Variants in USP12 observed in about 807,000 individuals in gnomAD.
USP12 encodes the protein ubiquitin carboxyl-terminal hydrolase 12.
Under a neutral mutation model 45.5 loss-of-function variants are expected in USP12, and 19 were observed. The observed-to-expected ratio is 0.42, with a 90% CI of 0.29 to 0.61. USP12 has a LOEUF of 0.61. USP12 is among the 20% of genes least tolerant of loss of function. The pLI is 0.22. For missense variants in USP12, 242 were observed against 447.7 expected (o/e 0.54, Z 4.15); for synonymous variants, 149 against 148.8 (o/e 1.00, Z -0.01).
rs74493249 is a variant in USP12, at chr13:27,098,889, A to C, written c.344-3059T>G. Among the ~76,000 whole-genome samples, 1,503 of 152,308 alleles carry C rather than the reference A, an allele frequency of 9.9e-3. 13 individuals are homozygous for C. The highest frequency in any genetic ancestry group is 0.027 in the Middle Eastern group (8 of 294). Reference sequence around the variant, plus strand: ...TTGAATTAACATGGCAAAACTTCCAAAACAGAAAGTGAAACAAGGATGCTG... The same window carrying C: ...TTGAATTAACATGGCAAAACTTCCACAACAGAAAGTGAAACAAGGATGCTG... On this transcript the variant is annotated intron_variant, in intron 3 of 8. Transcript: ENST00000282344.
At chr13:27,106,129 T>G (rs1224698848) in intron 2 of USP12, among the ~76,000 whole-genome samples, 185 bp from the exon 3 acceptor site, 1 of 152,080 alleles carries the variant, frequency 6.6e-6, no homozygotes, top group African/African-American at 2.4e-5. Context: ...ATCACAAAAG[T>G]AAAGTTTTCT....
At chr13:27,169,009 C>T (rs1878468822) in intron 1 of USP12, 1 of 152,218 alleles carries the variant, frequency 6.6e-6, no homozygotes, top group Non-Finnish European at 1.5e-5. Context: ...CACACAGCCA[C>T]ATCATCCCTG....
intron 1 of USP12, among the ~76,000 whole-genome samples, chr13:27,149,974 G>A (rs1473584272): frequency 6.6e-6 from 1 of 152,228 alleles, no homozygotes; most frequent in Non-Finnish European, 1.5e-5. Flanking sequence ...CTGCTGTACA[G>A]CCCGGTTCCT....
rs1876394988 is a variant in USP12 at position 27,129,511 on chromosome 13, G to A, written c.49-12915C>T. Among the ~76,000 whole-genome samples the A allele has an allele frequency of 6.6e-6, 1 of 152,138 alleles. No individual in the cohort carries two copies. Among genetic ancestry groups the A allele is most frequent in the African/African-American group, 2.4e-5 (1 of 41,414 alleles). The stretch of plus-strand genomic sequence containing the variant: ...AGTCAGAGCAGGAGGACTGCTTAAG[G>A]CCCGGAGTTCTAGAGAAGGCTGGGC... On this transcript the variant is annotated intron_variant, in intron 1 of 8. Coordinates refer to ENST00000282344, the MANE Select transcript of USP12 (RefSeq NM_182488.4). This position sits in a 1 kb window ranked among gnomAD's most constrained non-coding sequence, Gnocchi z 4.0.
chr13:27,165,001 G>T lies in USP12; in HGVS notation c.48+6591C>A, dbSNP rs117708260. Among the ~76,000 whole-genome samples the T allele has an allele frequency of 3.5e-3, 529 of 149,358 alleles. 2 individuals carry two copies. The highest frequency in any genetic ancestry group is 6.2e-3 in the Non-Finnish European group (417 of 67,588). ...AAAAATCTGAAAGAAAATAAGTCCT[G>T]AAGCTAACTTGAATGCACACACCTT... is the stretch of plus-strand genomic sequence containing the variant. On this transcript the variant is annotated intron_variant, in intron 1 of 8. Transcript: ENST00000282344.
intron 7 of USP12, among the ~76,000 whole-genome samples, chr13:27,074,175 C>G (rs1028464306): frequency 6.6e-6 from 1 of 152,058 alleles, no homozygotes; most frequent in Non-Finnish European, 1.5e-5. Context: ...CCGAGGCGGG[C>G]AGATCACGAG....
At chr13:27,164,784 A>G (rs1188671098) in intron 1 of USP12, among the ~76,000 whole-genome samples, 3 of 152,176 alleles carry the variant, frequency 2.0e-5, no homozygotes, top group African/African-American at 4.8e-5. Flanking sequence ...CAACACCTTT[A>G]AAGTATGGTG....
rs141763533 is a variant in USP12, at chr13:27,076,238, T to C, written c.735-850A>G. On this transcript the variant is annotated intron_variant, in intron 6 of 8. Coordinates refer to ENST00000282344, the MANE Select transcript of USP12 (RefSeq NM_182488.4). Reference sequence around the variant, plus strand: ...AGAAATAACTCCATATTAAGAAAAATGACAATGTATATCCTAGAAAGGGAG... The same window carrying C: ...AGAAATAACTCCATATTAAGAAAAACGACAATGTATATCCTAGAAAGGGAG... Among the ~76,000 whole-genome samples, 49 of 152,072 alleles carry C rather than the reference T, an allele frequency of 3.2e-4. 1 individual carries two copies. The Middle Eastern group carries it at 0.027, about 84-fold the overall frequency.
At chr13:27,164,609 A>G (rs562902308) in intron 1 of USP12, among the ~76,000 whole-genome samples, 8 of 152,356 alleles carry the variant, frequency 5.3e-5, no homozygotes, top group Non-Finnish European at 1.2e-4. Flanking sequence ...AAATAAATGT[A>G]TATAAACTGC....
rs192793586 is a variant in USP12, at chr13:27,142,001, A to C, written c.49-25405T>G. On this transcript the variant is annotated intron_variant, in intron 1 of 8. Coordinates refer to ENST00000282344, the MANE Select transcript of USP12 (RefSeq NM_182488.4). Reference sequence around the variant, plus strand: ...GTGGTACATGATGGCGTGTGCCTGCAGTCCCAGCCACTTGCAAGGCTGAAG... The same window carrying C: ...GTGGTACATGATGGCGTGTGCCTGCCGTCCCAGCCACTTGCAAGGCTGAAG... Among the ~76,000 whole-genome samples the C allele has an allele frequency of 1.8e-3, 263 of 143,230 alleles. 2 individuals are homozygous for C. The East Asian group carries it at 0.025, about 13-fold the overall frequency. 94.0% of individuals were successfully genotyped at this position (143,230 alleles called of 152,430 possible).
chr13:27,144,695 A>C (rs1877229380), intron 1 of USP12, among the ~76,000 whole-genome samples: 2 of 151,674 alleles, frequency 1.3e-5, no homozygotes, highest in Non-Finnish European at 2.9e-5. Context: ...GGTTCAAAAA[A>C]ACAAAACAGA....
chr13:27,153,095 G>A (rs1346804669), intron 1 of USP12, among the ~76,000 whole-genome samples: 1 of 152,160 alleles, frequency 6.6e-6, no homozygotes, highest in African/African-American at 2.4e-5. Flanking sequence ...ACTCTGAGAG[G>A]CTGAGGCAGG....
At chr13:27,166,492 G>A (rs1431612637) in intron 1 of USP12, among the ~76,000 whole-genome samples, 1 of 152,136 alleles carries the variant, frequency 6.6e-6, no homozygotes, top group Non-Finnish European at 1.5e-5. Flanking sequence ...AACAAGAAAT[G>A]TGACATCATC....
chr13:27,120,183 C>T (rs1875919087), intron 1 of USP12, among the ~76,000 whole-genome samples: 1 of 152,148 alleles, frequency 6.6e-6, no homozygotes. Flanking sequence ...TCTATTACAT[C>T]ACATAATGGT....
At chr13:27,085,756 T>A (rs61946488) in intron 6 of USP12, among the ~76,000 whole-genome samples, 8,520 of 152,162 alleles carry the variant, frequency 0.056, 287 homozygotes, top group Middle Eastern at 0.095. Context: ...GGGGAATATG[T>A]GTATATACAC....
chr13:27,082,058 A>C (rs1186940191), intron 6 of USP12, among the ~76,000 whole-genome samples: 1 of 152,240 alleles, frequency 6.6e-6, no homozygotes, highest in Non-Finnish European at 1.5e-5. Flanking sequence ...TCAACTTAAA[A>C]GTCACCAGCT....
chr13:27,163,338 T>A (rs550416963), intron 1 of USP12, among the ~76,000 whole-genome samples: 8 of 152,124 alleles, frequency 5.3e-5, no homozygotes, highest in African/African-American at 7.2e-5. Context: ...CCAAACCACC[T>A]ACAGAGCCTA....
chr13:27,104,850 A>C (rs921374540), intron 3 of USP12, among the ~76,000 whole-genome samples: 1 of 152,210 alleles, frequency 6.6e-6, no homozygotes, highest in African/African-American at 2.4e-5. Context: ...GCGTCTACTT[A>C]ATAGGTAACA....
intron 1 of USP12, among the ~76,000 whole-genome samples, chr13:27,130,358 G>C (rs531162543): frequency 6.6e-6 from 1 of 152,048 alleles, no homozygotes; most frequent in Admixed American, 6.5e-5. Flanking sequence ...GAGATAGTAA[G>C]ACAGAAACTT....
Sources: gnomAD v4.1 joint callset for allele counts (sites outside exome capture counted in the v4.1 genomes callset) on GRCh38, gnomAD v4.1.1 for gene constraint, Gnocchi (gnomAD v3.1) non-coding constraint, MANE v1.5 for transcripts, NCBI Gene and HGNC (gene_info 2026-07-23, HGNC 2026-07-21) for gene names.